The following PAFAH1B2 variants were observed in gnomAD, a reference collection of about 807,000 sequenced individuals.
The protein encoded by PAFAH1B2 is platelet-activating factor acetylhydrolase IB subunit alpha2.
Under a neutral mutation model 28.0 loss-of-function variants are expected in PAFAH1B2, and 8 were observed. The ratio of observed to expected loss-of-function variants is 0.29; its 90% confidence interval spans 0.17 to 0.52. PAFAH1B2 has a LOEUF of 0.52. Among genes scored for constraint, PAFAH1B2 ranks in the 20% least tolerant of loss-of-function variants. The pLI, the probability that PAFAH1B2 is intolerant of heterozygous loss-of-function variation, is 0.97. For synonymous variants in PAFAH1B2, 104 were observed against 103.2 expected (o/e 1.01, Z -0.05); for missense variants, 190 against 282.6 (o/e 0.67, Z 2.35).
chr11:117,168,581 AT>A lies in PAFAH1B2; in HGVS notation c.*884del. On this transcript the variant is annotated 3_prime_UTR_variant, in exon 6 of 6. Coordinates refer to ENST00000527958, the MANE Select transcript of PAFAH1B2 (RefSeq NM_002572.4). Reference sequence around the variant, plus strand: ...TCATGATAGTACTGCTATAAAACTCATTCTTGTGTGGTGTTCTGTGCTATAG... The same window carrying A: ...TCATGATAGTACTGCTATAAAACTCATCTTGTGTGGTGTTCTGTGCTATAG... The A allele has an allele frequency of 9.4e-7, 1 of 1,059,788 alleles. No homozygotes were observed. The highest frequency in any genetic ancestry group is 1.1e-6 in the Non-Finnish European group (1 of 876,932). 65.6% of individuals were successfully genotyped at this position (1,059,788 alleles called of 1,614,324 possible). A position where few individuals can be genotyped will look rare whatever the true frequency, so the allele number is the denominator to read the frequency against.
intron 2 of PAFAH1B2, among the ~76,000 whole-genome samples, chr11:117,156,582 A>G (rs936027012): frequency 1.3e-5 from 2 of 152,198 alleles, no homozygotes; most frequent in African/African-American, 4.8e-5. Flanking sequence ...TTAAGGTGGT[A>G]GGATTATAGA....
chr11:117,165,331 C>G (rs1185538228), intron 5 of PAFAH1B2, among the ~76,000 whole-genome samples: 1 of 121,048 alleles, frequency 8.3e-6, no homozygotes, highest in African/African-American at 3.3e-5. Flanking sequence ...GCCTGGGCAA[C>G]AGAGCAAAAC....
intron 1 of PAFAH1B2, among the ~76,000 whole-genome samples, chr11:117,148,447 GTGT>G (rs1448238865): frequency 6.6e-6 from 1 of 152,186 alleles, no homozygotes; most frequent in Non-Finnish European, 1.5e-5. Context: ...CACCTGTCCT[GTGT>G]TGTTTACCAG....
intron 2 of PAFAH1B2, among the ~76,000 whole-genome samples, chr11:117,153,446 A>G (rs915617575): frequency 1.3e-5 from 2 of 151,986 alleles, no homozygotes; most frequent in African/African-American, 2.4e-5. Context: ...CAGTGGTGCA[A>G]TCTTGGCTCA....
downstream of PAFAH1B2, among the ~76,000 whole-genome samples, chr11:117,172,385 TATATATATATA>T (rs1956684005): frequency 2.2e-3 from 5 of 2,278 alleles, no homozygotes; most frequent in African/African-American, 5.2e-3. Flanking sequence ...TATATATATA[TATATATATATA>T]TATATATATT....
At chr11:117,157,797 A>G (rs951105793) in intron 2 of PAFAH1B2, among the ~76,000 whole-genome samples, 5 of 152,200 alleles carry the variant, frequency 3.3e-5, no homozygotes, top group Admixed American at 6.5e-5. Context: ...CTAGACCTAC[A>G]TTACAGACCT....
chr11:117,157,909 G>A (rs565254029), intron 2 of PAFAH1B2, among the ~76,000 whole-genome samples: 3 of 152,162 alleles, frequency 2.0e-5, no homozygotes, highest in South Asian at 2.1e-4. Context: ...AGGCTGAGGC[G>A]GGTGGATCAC....
rs551513712 is a variant in PAFAH1B2, at chr11:117,167,659, T to G, written c.650T>G (p.Leu217Trp). The change falls in exon 6 of 6, where the codon TTG (leucine) becomes TGG (tryptophan). Residue 217 changes from leucine to tryptophan, a missense_variant. Physicochemically the swap from Leu to Trp is moderately conservative, Grantham distance 61. Transcript: ENST00000527958. ...CTGCATGAACTGATCATGCAGTTGTTGGAGGAAACACCTGAGGAGAAACAA... is the reference window on the plus strand; with the variant it reads ...CTGCATGAACTGATCATGCAGTTGTGGGAGGAAACACCTGAGGAGAAACAA... ...KPLHELIMQL[L>W]EETPEEKQTT... The G allele has an allele frequency of 6.3e-7, 1 of 1,576,306 alleles. No individual in the cohort carries two copies. Among genetic ancestry groups the G allele is most frequent in the South Asian group, 1.2e-5 (1 of 85,802 alleles).
Position 117,168,445 on chromosome 11 carries a change from C to G in PAFAH1B2, c.*746C>G. ...TTCCCCTTCATTCCCCCCGCCACCC[C>G]GTTTTTTTTTTTTTTTTTTTTTTTT... On this transcript the variant is annotated 3_prime_UTR_variant, in exon 6 of 6. Coordinates refer to ENST00000527958, the MANE Select transcript of PAFAH1B2 (RefSeq NM_002572.4). 5.7e-6 allele frequency: 2 copies of G among 353,512 alleles called. No homozygotes were observed. Among genetic ancestry groups the G allele is most frequent in the South Asian group, 2.0e-4 (2 of 9,788 alleles). The allele number at this position is 353,512 out of a possible 1,614,324, so 21.9% of individuals were successfully genotyped here.
chr11:117,158,635 G>A (rs922070877), intron 2 of PAFAH1B2, among the ~76,000 whole-genome samples: 1 of 130,758 alleles, frequency 7.6e-6, no homozygotes, highest in African/African-American at 2.9e-5. Flanking sequence ...ATAATAGTTT[G>A]TGGGCTTTTT....
Position 117,169,971 on chromosome 11 carries a change from A to C in PAFAH1B2, c.*2272A>C. 9.5e-7 allele frequency: 1 copy of C among 1,053,344 alleles called. No homozygotes were observed. 65.2% of individuals were successfully genotyped at this position (1,053,344 alleles called of 1,614,324 possible). On this transcript the variant is annotated 3_prime_UTR_variant, in exon 6 of 6. Coordinates refer to ENST00000527958, the MANE Select transcript of PAFAH1B2 (RefSeq NM_002572.4). ...CTCAGCTCCTTTGCTCATGTGTACA[A>C]ACCTCAGATGTTACTACATTTTATA...
chr11:117,172,824 C>G (rs113360958), downstream of PAFAH1B2, among the ~76,000 whole-genome samples: 1,972 of 152,304 alleles, frequency 0.013, 38 homozygotes, highest in African/African-American at 0.041. Flanking sequence ...GTGCCTCAGC[C>G]TACTGAGTAG....
At chr11:117,164,264 G>C (rs147792386) in intron 5 of PAFAH1B2, 1 of 156,970 alleles carries the variant, frequency 6.4e-6, no homozygotes, top group East Asian at 1.8e-4. Context: ...AAAATTAGCC[G>C]GGTGTGGTGG....
At chr11:117,156,607 CCTTT>C (rs934442421) in intron 2 of PAFAH1B2, among the ~76,000 whole-genome samples, 10 of 152,092 alleles carry the variant, frequency 6.6e-5, no homozygotes, top group Admixed American at 5.2e-4. Flanking sequence ...TTGTTTTGGT[CCTTT>C]CTATTTTTCC....
At chr11:117,171,529 C>CT, downstream of PAFAH1B2, 1 of 573,156 alleles carries the variant, frequency 1.7e-6, no homozygotes, top group South Asian at 2.1e-5. Context: ...GAGCGAGACT[C>CT]TTGTCTCGGA....
At chr11:117,151,154 A>G (rs1239244975) in intron 1 of PAFAH1B2, among the ~76,000 whole-genome samples, 1 of 151,930 alleles carries the variant, frequency 6.6e-6, no homozygotes, top group Non-Finnish European at 1.5e-5. Flanking sequence ...TTTATAGAAG[A>G]TTAGCAGTTC....
intron 1 of PAFAH1B2, among the ~76,000 whole-genome samples, chr11:117,145,127 G>A (rs1955968333): frequency 2.0e-5 from 3 of 152,146 alleles, no homozygotes; most frequent in Admixed American, 2.0e-4. Flanking sequence ...AGCGGCTGGT[G>A]ACCTGCCCAA....
At chr11:117,151,431 A>C (rs990224914) in intron 1 of PAFAH1B2, among the ~76,000 whole-genome samples, 1 of 151,846 alleles carries the variant, frequency 6.6e-6, no homozygotes, top group Non-Finnish European at 1.5e-5. Context: ...GGGTTTCACT[A>C]TGTTGGCCAG....
At chr11:117,161,369 A>G (rs1295805250) in intron 4 of PAFAH1B2, 108 bp downstream of exon 4, 3 of 642,734 alleles carry the variant, frequency 4.7e-6, no homozygotes, top group Non-Finnish European at 7.9e-6. Flanking sequence ...CTATTTCACT[A>G]TTTTTTTCGT....
Sources: allele counts gnomAD v4.1 joint callset (sites outside exome capture counted in the v4.1 genomes callset), GRCh38; gene constraint gnomAD v4.1.1; transcripts MANE v1.5; gene names NCBI Gene and HGNC (gene_info 2026-07-23, HGNC 2026-07-21).